The following CCDC83 variants were observed in gnomAD, a reference collection of about 807,000 sequenced individuals.
CCDC83 encodes coiled-coil domain containing 83, also known as coiled-coil domain-containing protein 83.
In CCDC83, 54 loss-of-function variants were observed where a neutral mutation model predicts 50.1. The observed-to-expected ratio is 1.08, with a 90% CI of 0.87 to 1.35. The LOEUF (loss-of-function observed/expected upper bound fraction) is 1.35. CCDC83 is among the 40% of genes most tolerant of loss of function. The probability of loss-of-function intolerance (pLI) is 0.00; values close to 1 mark genes in which losing one functional copy is unlikely to be tolerated. For missense variants in CCDC83, 518 were observed against 473.9 expected (o/e 1.09, Z -0.86); for synonymous variants, 161 against 153.3 (o/e 1.05, Z -0.37).
chr11:85,915,522 T>C, intron 9 of CCDC83, 24 bp downstream of exon 9: 1 of 1,528,302 alleles, frequency 6.5e-7, no homozygotes, highest in South Asian at 1.2e-5. Flanking sequence ...GCAATAATGA[T>C]GATGATTTTT....
At chr11:85,872,377 C>T (rs948380220) in intron 2 of CCDC83, among the ~76,000 whole-genome samples, 12 of 151,472 alleles carry the variant, frequency 7.9e-5, no homozygotes, top group Admixed American at 1.3e-4. Context: ...CCCAGTTACT[C>T]GGGAGGCTGA....
At chr11:85,856,184 CAAAAAAA>C (rs370054964) in intron 1 of CCDC83, among the ~76,000 whole-genome samples, 28 of 94,882 alleles carry the variant, frequency 3.0e-4, no homozygotes, top group South Asian at 7.8e-4. Flanking sequence ...CTATCTAAGC[CAAAAAAA>C]AAAAAAAAAA....
At chr11:85,891,169 C>T (rs952477476) in intron 5 of CCDC83, among the ~76,000 whole-genome samples, 3 of 152,202 alleles carry the variant, frequency 2.0e-5, no homozygotes, top group African/African-American at 7.2e-5. Flanking sequence ...ACAGAACAGT[C>T]CTTGCAGTAT....
rs769714410 is a variant in CCDC83 at position 85,911,418 on chromosome 11, A to G, written c.794+16A>G. 6.4e-7 allele frequency: 1 copy of G among 1,554,736 alleles called. No individual in the cohort carries two copies. ...AGATACCCAGGTGAAAATTGTTAATATATAGAGAGTATTTTGTAAACATTT... is the reference window on the plus strand; with the variant it reads ...AGATACCCAGGTGAAAATTGTTAATGTATAGAGAGTATTTTGTAAACATTT... On this transcript the variant is annotated intron_variant, in intron 8 of 10. Transcript: ENST00000342404.
intron 1 of CCDC83, among the ~76,000 whole-genome samples, chr11:85,859,873 ACAGACAACCTG>A (rs2093165274): frequency 6.6e-6 from 1 of 152,236 alleles, no homozygotes; most frequent in Non-Finnish European, 1.5e-5. Context: ...AACAGAGTAA[ACAGACAACCTG>A]CAGAATGGGA....
intron 9 of CCDC83, among the ~76,000 whole-genome samples, 156 bp downstream of exon 9, chr11:85,915,654 T>C (rs1340120593): frequency 6.6e-6 from 1 of 152,218 alleles, no homozygotes; most frequent in African/African-American, 2.4e-5. Context: ...CTTGCAGTGC[T>C]TGTCCTAATC....
chr11:85,916,807 A>C (rs2093478985), intron 10 of CCDC83: 1 of 152,936 alleles, frequency 6.5e-6, no homozygotes, highest in African/African-American at 2.4e-5. Context: ...AAGCAACCCT[A>C]GAGACCAAGA....
At chr11:85,898,361 C>A (rs2093384978) in intron 6 of CCDC83, among the ~76,000 whole-genome samples, 1 of 152,062 alleles carries the variant, frequency 6.6e-6, no homozygotes, top group Admixed American at 6.6e-5. Flanking sequence ...CTATAAAATT[C>A]TTTTCAATAT....
chr11:85,907,202 G>A (rs895871896), intron 7 of CCDC83, among the ~76,000 whole-genome samples: 1 of 152,104 alleles, frequency 6.6e-6, no homozygotes, highest in East Asian at 1.9e-4. Context: ...TCACTGGGAA[G>A]GCTACACAGC....
chr11:85,917,414 G>A (rs2093487537), intron 10 of CCDC83, among the ~76,000 whole-genome samples: 1 of 152,160 alleles, frequency 6.6e-6, no homozygotes, highest in Non-Finnish European at 1.5e-5. Flanking sequence ...AAGGAACATA[G>A]CTCCTACATC....
At chr11:85,901,132 C>T (rs529452766) in intron 7 of CCDC83, among the ~76,000 whole-genome samples, 1 of 151,420 alleles carries the variant, frequency 6.6e-6, no homozygotes, top group Non-Finnish European at 1.5e-5. Context: ...TTTGGGCGAC[C>T]AATGCAGGCA....
chr11:85,910,583 A>T (rs1253031303), intron 7 of CCDC83, among the ~76,000 whole-genome samples: 1 of 152,198 alleles, frequency 6.6e-6, no homozygotes, highest in Non-Finnish European at 1.5e-5. Context: ...ATAGGGCCTA[A>T]CTTAGCTACT....
intron 10 of CCDC83, among the ~76,000 whole-genome samples, chr11:85,919,063 C>T (rs2093496349): frequency 6.6e-6 from 1 of 152,182 alleles, no homozygotes; most frequent in Non-Finnish European, 1.5e-5. Flanking sequence ...AGCCAGCATC[C>T]CTCCCCCATT....
intron 3 of CCDC83, among the ~76,000 whole-genome samples, chr11:85,881,136 C>T (rs574113470): frequency 2.0e-5 from 3 of 151,974 alleles, no homozygotes; most frequent in East Asian, 1.9e-4. Context: ...TGGGAGGCCG[C>T]GGCAGATGGA....
intron 1 of CCDC83, among the ~76,000 whole-genome samples, chr11:85,856,184 C>CAAA (rs370054964): frequency 2.7e-4 from 26 of 94,868 alleles, no homozygotes; most frequent in African/African-American, 9.2e-4. Context: ...CTATCTAAGC[C>CAAA]AAAAAAAAAA....
chr11:85,909,325 C>T (rs932702600), intron 7 of CCDC83, among the ~76,000 whole-genome samples: 4 of 152,168 alleles, frequency 2.6e-5, no homozygotes, highest in African/African-American at 9.7e-5. Context: ...AATCTAAACC[C>T]CTGTGCCTTT....
chr11:85,876,947 C>T (rs2093272871), intron 3 of CCDC83, among the ~76,000 whole-genome samples: 1 of 151,986 alleles, frequency 6.6e-6, no homozygotes, highest in Non-Finnish European at 1.5e-5. Context: ...TTATTCTTAC[C>T]TTAAATAGTA....
chr11:85,880,192 A>G (rs989054673), intron 3 of CCDC83, among the ~76,000 whole-genome samples: 1 of 152,222 alleles, frequency 6.6e-6, no homozygotes, highest in South Asian at 2.1e-4. Context: ...TTAAAGCTGT[A>G]TATCAAAATT....
intron 10 of CCDC83, 194 bp downstream of exon 10, chr11:85,916,427 T>C: frequency 3.5e-6 from 2 of 573,926 alleles, no homozygotes; most frequent in South Asian, 4.0e-5. Flanking sequence ...TTGCTACCTA[T>C]ATTCCTCTAT....
Sources: allele counts gnomAD v4.1 joint callset (sites outside exome capture counted in the v4.1 genomes callset), GRCh38; gene constraint gnomAD v4.1.1; transcripts MANE v1.5; gene names NCBI Gene and HGNC (gene_info 2026-07-23, HGNC 2026-07-21).